Variants in DCC observed in about 807,000 individuals in gnomAD.
DCC encodes netrin receptor DCC.
In DCC, 58 loss-of-function variants were observed where a neutral mutation model predicts 172.5. The ratio of observed to expected loss-of-function variants is 0.34; its 90% CI spans 0.27 to 0.42. The LOEUF is 0.42. Among genes scored for constraint, DCC ranks in the 10% least tolerant of loss-of-function variants. The pLI is 1.00. For synonymous variants in DCC, 709 were observed against 644.5 expected (o/e 1.10, Z -1.52); for missense variants, 1,740 against 1,791.0 (o/e 0.97, Z 0.51).
intron 1 of DCC, among the ~76,000 whole-genome samples, chr18:52,704,791 T>G (rs1019605030): frequency 1.3e-5 from 2 of 152,214 alleles, no homozygotes; most frequent in African/African-American, 4.8e-5. Context: ...GTTTAACTGA[T>G]GCCTTTTCAA....
intron 5 of DCC, among the ~76,000 whole-genome samples, chr18:52,969,640 T>C (rs1450527607): frequency 1.3e-5 from 2 of 150,746 alleles, no homozygotes; most frequent in East Asian, 1.9e-4. Flanking sequence ...ACTCTCTGTG[T>C]CTCTCTCTCT....
At chr18:53,437,582 CAAAAAAAAA>C (rs74180424) in intron 22 of DCC, among the ~76,000 whole-genome samples, 3 of 20,806 alleles carry the variant, frequency 1.4e-4, no homozygotes, top group African/African-American at 6.4e-4. Context: ...GGCTCCATCT[CAAAAAAAAA>C]AAAAAAAAAA....
chr18:52,885,649 C>T (rs957979008), intron 2 of DCC, among the ~76,000 whole-genome samples: 1 of 152,008 alleles, frequency 6.6e-6, no homozygotes, highest in African/African-American at 2.4e-5. Flanking sequence ...GGTGCTTTAC[C>T]CCACTGTGGC....
At chr18:53,294,021 G>A (rs927040794) in intron 12 of DCC, among the ~76,000 whole-genome samples, 14 of 152,156 alleles carry the variant, frequency 9.2e-5, no homozygotes, top group African/African-American at 1.9e-4. Context: ...ACAATGAAGC[G>A]GGTTGGGTAA....
intron 8 of DCC, among the ~76,000 whole-genome samples, chr18:53,170,072 A>G (rs539218788): frequency 1.3e-5 from 2 of 152,302 alleles, no homozygotes; most frequent in South Asian, 4.1e-4. Context: ...TGGGGCTAGA[A>G]CTGAACAAAT....
chr18:53,181,469 G>A (rs1339352111), intron 9 of DCC, among the ~76,000 whole-genome samples: 3 of 122,426 alleles, frequency 2.5e-5, no homozygotes, highest in Non-Finnish European at 3.4e-5. Context: ...AAGTATTTTC[G>A]TTTTTGACAC....
chr18:52,592,995 T>C (rs2033831919), intron 1 of DCC, among the ~76,000 whole-genome samples: 1 of 152,184 alleles, frequency 6.6e-6, no homozygotes, highest in Non-Finnish European at 1.5e-5. Flanking sequence ...GATTTACTCA[T>C]GGTGCAGGAA....
chr18:53,449,936 G>A (rs181937217), intron 22 of DCC, among the ~76,000 whole-genome samples: 151 of 152,090 alleles, frequency 9.9e-4, no homozygotes, highest in African/African-American at 3.2e-3. Context: ...GAAAACACCA[G>A]TCTACTTTCT....
At chr18:53,397,502 T>C in intron 18 of DCC, 56 bp downstream of exon 18, 14 of 1,596,208 alleles carry the variant, frequency 8.8e-6, no homozygotes, top group Non-Finnish European at 1.1e-5. Context: ...CCAGGTTCTG[T>C]GGAAATTAGA....
chr18:52,512,759 G>A (rs985871529), intron 1 of DCC, among the ~76,000 whole-genome samples: 1 of 151,988 alleles, frequency 6.6e-6, no homozygotes, highest in Non-Finnish European at 1.5e-5. Context: ...ATGCTGGGGG[G>A]AAAAAAGAAA....
chr18:53,128,860 CACACACACACATAT>C (rs1478867943), intron 7 of DCC, among the ~76,000 whole-genome samples: 30 of 79,322 alleles, frequency 3.8e-4, no homozygotes, highest in African/African-American at 1.3e-3. Context: ...CACACACACA[CACACACACACATAT>C]ATATATATAT....
chr18:52,544,622 G>T (rs1015679381), intron 1 of DCC, among the ~76,000 whole-genome samples: 1 of 152,110 alleles, frequency 6.6e-6, no homozygotes, highest in Non-Finnish European at 1.5e-5. Context: ...TTCCATGCAT[G>T]TCAAGGCTTT....
At position 53,419,296 on chromosome 18, in the gene DCC, A is replaced by G. The variant is rs1471567872; in HGVS notation, c.3163+3140A>G. ...GCATTTATCTGTTGACTTACAAACA[A>G]TTCCATTACACTGTTCATTTAAAAA... On this transcript the variant is annotated intron_variant, in intron 21 of 28. Transcript: ENST00000442544. 2.0e-5 allele frequency among the ~76,000 whole-genome samples: 3 copies of G among 152,174 alleles called. No individual in the cohort carries two copies. In the East Asian group the frequency reaches 5.8e-4, roughly 29 times the overall value.
intron 1 of DCC, among the ~76,000 whole-genome samples, chr18:52,712,853 G>T (rs1052698472): frequency 6.6e-6 from 1 of 152,202 alleles, no homozygotes; most frequent in Non-Finnish European, 1.5e-5. Context: ...AAAGGGCTGA[G>T]TGTGTAGAGT....
chr18:52,884,910 C>T lies in DCC; in HGVS notation c.413-21134C>T, dbSNP rs549569684. ...AATAATGCAGTGGTTCTTGCAGACT[C>T]ATAGAGGTACCACTATGGTGGCCTT... On this transcript the variant is annotated intron_variant, in intron 2 of 28. Coordinates refer to ENST00000442544, the MANE Select transcript of DCC (RefSeq NM_005215.4). Among the ~76,000 whole-genome samples the T allele has an allele frequency of 1.1e-4, 17 of 152,294 alleles. No homozygotes were observed. In the East Asian group the frequency reaches 2.9e-3, roughly 26 times the overall value.
chr18:53,312,616 G>C (rs1379692774), intron 13 of DCC, among the ~76,000 whole-genome samples: 2 of 151,074 alleles, frequency 1.3e-5, no homozygotes, highest in Non-Finnish European at 1.5e-5. Flanking sequence ...AGATCAGGAG[G>C]TCAGGAGATC....
intron 12 of DCC, among the ~76,000 whole-genome samples, chr18:53,234,590 C>T (rs1322365834): frequency 2.0e-5 from 3 of 152,144 alleles, no homozygotes; most frequent in South Asian, 2.1e-4. Flanking sequence ...CTTAGGGTCA[C>T]GTGTTTAAAA....
intron 1 of DCC, among the ~76,000 whole-genome samples, chr18:52,650,773 G>A (rs1422985261): frequency 1.3e-5 from 2 of 152,154 alleles, no homozygotes; most frequent in Non-Finnish European, 2.9e-5. Flanking sequence ...GACATTCCTA[G>A]CAGAGACAAA....
chr18:52,899,924 C>T (rs554371280), intron 2 of DCC, among the ~76,000 whole-genome samples: 40 of 152,278 alleles, frequency 2.6e-4, no homozygotes, highest in East Asian at 3.9e-4. Context: ...ATTCAACATA[C>T]GTTTGATGGC....
Sources: gnomAD v4.1 joint callset for allele counts (sites outside exome capture counted in the v4.1 genomes callset) on GRCh38, gnomAD v4.1.1 for gene constraint, MANE v1.5 for transcripts, NCBI Gene and HGNC (gene_info 2026-07-23, HGNC 2026-07-21) for gene names.